The following PTCD3 variants were observed in gnomAD, a reference collection of about 807,000 sequenced individuals.
PTCD3 encodes the protein pentatricopeptide repeat domain 3.
In PTCD3, 89 loss-of-function variants were observed where a neutral mutation model predicts 101.9. That is an observed-to-expected ratio of 0.87 (90% confidence interval 0.74 to 1.04). PTCD3 has a LOEUF of 1.04. PTCD3 is among the 50% of genes least tolerant of loss of function. The probability of loss-of-function intolerance (pLI) is 0.00; values close to 1 mark genes in which losing one functional copy is unlikely to be tolerated. For synonymous variants in PTCD3, 296 were observed against 278.5 expected (o/e 1.06, Z -0.63); for missense variants, 870 against 828.2 (o/e 1.05, Z -0.62).
chr2:86,129,150 G>T (rs1674451494), intron 14 of PTCD3, among the ~76,000 whole-genome samples: 1 of 152,156 alleles, frequency 6.6e-6, no homozygotes, highest in Admixed American at 6.5e-5. Flanking sequence ...TTCCATAATT[G>T]TGTCCCCTAA....
At chr2:86,106,705 C>CGAGGAGA (rs1258324216) in intron 1 of PTCD3, among the ~76,000 whole-genome samples, 1 of 152,104 alleles carries the variant, frequency 6.6e-6, no homozygotes, top group Non-Finnish European at 1.5e-5. Flanking sequence ...TCAGGAGGAG[C>CGAGGAGA]GAGGAGAACG....
Position 86,111,147 on chromosome 2 carries a change from A to T in PTCD3, c.229A>T (p.Thr77Ser), listed in dbSNP as rs768065846. The T allele has an allele frequency of 6.2e-7, 1 of 1,613,510 alleles. No homozygotes were observed. The highest frequency in any genetic ancestry group is 1.7e-5 in the Admixed American group (1 of 60,024). Residue 77 changes from threonine to serine, a missense_variant, in exon 4 of 24, where the codon ACA becomes TCA. Physicochemically the swap from Thr to Ser is moderately conservative, Grantham distance 58. Transcript: ENST00000254630. ...AGCCGTTCTTCAGGCACTTGCATCC[A>T]CAGTAAACAGGGTAAGTAGGATTTT... Reference protein sequence around the residue: ...KVAVLQALASTVNRDTTAVPY... With the variant: ...KVAVLQALASSVNRDTTAVPY...
At chr2:86,122,407 G>A (rs984283294) in intron 8 of PTCD3, among the ~76,000 whole-genome samples, 1 of 152,182 alleles carries the variant, frequency 6.6e-6, no homozygotes, top group African/African-American at 2.4e-5. Flanking sequence ...CCAACTAAAT[G>A]TGGATTTCTT....
chr2:86,126,492 G>A (rs192812733), intron 12 of PTCD3, among the ~76,000 whole-genome samples: 10 of 152,108 alleles, frequency 6.6e-5, no homozygotes, highest in Admixed American at 5.9e-4. Context: ...ATCCTATCAG[G>A]TGTAATTTCA....
intron 17 of PTCD3, 73 bp downstream of exon 17, chr2:86,132,497 T>G: frequency 9.9e-7 from 1 of 1,015,132 alleles, no homozygotes; most frequent in Admixed American, 2.0e-5. Flanking sequence ...TGATGTCCCT[T>G]CATACCTCAC....
chr2:86,108,781 A>G (rs1309071114), intron 3 of PTCD3: 1 of 415,806 alleles, frequency 2.4e-6, no homozygotes, highest in Non-Finnish European at 4.3e-6. Context: ...AGTGTGGGTT[A>G]CTATTTACGT....
rs934865968 is a variant in PTCD3, at chr2:86,127,210, C to T, written c.1001C>T (p.Thr334Ile). The T allele has an allele frequency of 1.2e-6, 2 of 1,613,338 alleles. No individual in the cohort carries two copies. The highest frequency in any genetic ancestry group is 1.7e-6 in the Non-Finnish European group (2 of 1,179,436). ...VAQKVKPNLQ[T>I]FNTILKCLRR... The stretch of plus-strand genomic sequence containing the variant: ...CAGAAGGTGAAACCAAATCTTCAGA[C>T]TTTTAATACCATTCTGAAATGTCTC... Residue 334 changes from threonine to isoleucine, a missense_variant, in exon 13 of 24, where the codon ACT becomes ATT. By Grantham distance (89) the Thr-to-Ile change is moderately conservative (BLOSUM62 -1). Coordinates refer to ENST00000254630, the MANE Select transcript of PTCD3 (RefSeq NM_017952.6).
intron 6 of PTCD3, 91 bp downstream of exon 6, chr2:86,117,250 A>G (rs377317111): frequency 6.0e-4 from 343 of 575,230 alleles, no homozygotes; most frequent in African/African-American, 4.5e-3. Context: ...TAGCTATTTG[A>G]ATACCCTCAA....
Position 86,108,508 on chromosome 2 carries a change from G to A in PTCD3, c.166G>A (p.Glu56Lys), listed in dbSNP as rs567267447. Reference sequence around the variant, plus strand: ...TTTCTTTTTTACATTAGGGATTGAAGAAGTAGTAATTCCAAAAAAGAAAAC... The same window carrying A: ...TTTCTTTTTTACATTAGGGATTGAAAAAGTAGTAATTCCAAAAAAGAAAAC... ...VEGTDVTGIEEVVIPKKKTWD... is the reference protein window; with the variant it reads ...VEGTDVTGIEKVVIPKKKTWD... Residue 56 changes from glutamate to lysine, a missense_variant, in exon 3 of 24, where the codon GAA (glutamate) becomes AAA (lysine). Physicochemically the swap from Glu to Lys is moderately conservative, Grantham distance 56. Coordinates refer to ENST00000254630, the MANE Select transcript of PTCD3 (RefSeq NM_017952.6). 3 of 1,597,420 alleles carry A rather than the reference G, an allele frequency of 1.9e-6. No homozygotes were observed. Among genetic ancestry groups the A allele is most frequent in the East Asian group, 2.2e-5 (1 of 44,698 alleles).
intron 10 of PTCD3, 40 bp downstream of exon 10, chr2:86,125,122 G>A (rs199922442): frequency 7.9e-5 from 127 of 1,607,282 alleles, no homozygotes; most frequent in Non-Finnish European, 1.0e-4. Flanking sequence ...CATTTCCACC[G>A]ATCAGGGTGT....
intron 21 of PTCD3, 187 bp downstream of exon 21, chr2:86,135,174 A>T: frequency 1.9e-6 from 1 of 527,952 alleles, no homozygotes; most frequent in East Asian, 2.9e-5. Flanking sequence ...GAGATAAGGC[A>T]TAGTTCTCTC....
chr2:86,112,681 C>CAAAAAA (rs397953846), intron 4 of PTCD3, among the ~76,000 whole-genome samples: 1 of 81,308 alleles, frequency 1.2e-5, no homozygotes, highest in Non-Finnish European at 2.5e-5. Flanking sequence ...GACTCTGTCT[C>CAAAAAA]AAAAAAAAAA....
rs146520394 is a variant in PTCD3, at chr2:86,121,020, T to C, written c.539-459T>C. 6.2e-3 allele frequency among the ~76,000 whole-genome samples: 942 copies of C among 152,358 alleles called. 5 individuals are homozygous for C. Among genetic ancestry groups the C allele is most frequent in the Middle Eastern group, 0.017 (5 of 294 alleles). ...GGGACATAATGTTTTGAACAATTTT[T>C]AAGAGACTACTATAGTTCGACAATT... is the stretch of plus-strand genomic sequence containing the variant. On this transcript the variant is annotated intron_variant, in intron 7 of 23. Coordinates refer to ENST00000254630, the MANE Select transcript of PTCD3 (RefSeq NM_017952.6).
intron 7 of PTCD3, 162 bp downstream of exon 7, chr2:86,119,206 T>G: frequency 1.1e-6 from 1 of 940,490 alleles, no homozygotes; most frequent in Non-Finnish European, 1.5e-6. Context: ...CATTTTTAGC[T>G]TTAGTGTTAC....
At chr2:86,113,642 C>CA (rs1173659918) in intron 4 of PTCD3, among the ~76,000 whole-genome samples, 1 of 151,742 alleles carries the variant, frequency 6.6e-6, no homozygotes, top group Non-Finnish European at 1.5e-5. Context: ...CCTGTCTCTA[C>CA]AAAAAAACAC....
In PTCD3 at chr2:86,136,992, C is replaced by A. The variant is rs72839327; in HGVS notation, c.1831C>A (p.Leu611Met). 1 of 1,613,368 alleles carries A rather than the reference C, an allele frequency of 6.2e-7. No homozygotes were observed. Among genetic ancestry groups the A allele is most frequent in the Non-Finnish European group, 8.5e-7 (1 of 1,179,902 alleles). The change falls in exon 23 of 24, where the codon CTG (leucine) becomes ATG (methionine). Residue 611 changes from leucine to methionine, a missense_variant. Physicochemically the swap from Leu to Met is conservative, Grantham distance 15 (BLOSUM62 2). Coordinates refer to ENST00000254630, the MANE Select transcript of PTCD3 (RefSeq NM_017952.6). ...KHNKIPRSEL[L>M]NELMDSAKVS... ...GCCTTTCTTTTACAGAAGTGAGTTG[C>A]TGAATGAGCTTATGGACAGTGCAAA... is the stretch of plus-strand genomic sequence containing the variant.
At chr2:86,125,384 C>T in intron 10 of PTCD3, 71 bp from the exon 11 acceptor site, 1 of 1,482,788 alleles carries the variant, frequency 6.7e-7, no homozygotes, top group Non-Finnish European at 9.4e-7. Flanking sequence ...TATTACCAAA[C>T]TCTAGGACAG....
rs1192345258 is a variant in PTCD3 at position 86,122,512 on chromosome 2, A to G, written c.654+918A>G. ...CTGCAGCCTTTAACTCCTGAGCTCA[A>G]GTGTTCCTCCTTCCTCATTCTCCCA... On this transcript the variant is annotated intron_variant, in intron 8 of 23. Transcript: ENST00000254630. Among the ~76,000 whole-genome samples, 3 of 145,594 alleles carry G rather than the reference A, an allele frequency of 2.1e-5. No individual in the cohort carries two copies. In the Admixed American group the frequency reaches 2.1e-4, roughly 10 times the overall value.
intron 4 of PTCD3, among the ~76,000 whole-genome samples, chr2:86,112,478 C>T (rs753811652): frequency 2.6e-4 from 39 of 151,158 alleles, no homozygotes; most frequent in Non-Finnish European, 4.6e-4. Context: ...GTCAGGAGTT[C>T]GATACCAGCA....
Sources: gnomAD v4.1 joint callset for allele counts (sites outside exome capture counted in the v4.1 genomes callset) on GRCh38, gnomAD v4.1.1 for gene constraint, MANE v1.5 for transcripts, NCBI Gene and HGNC (gene_info 2026-07-23, HGNC 2026-07-21) for gene names.